Variants in ABCA13 observed in about 807,000 individuals in gnomAD.
ABCA13 encodes ATP-binding cassette sub-family A member 13.
ABCA13 carries 476 observed loss-of-function variants against 478.7 expected under a neutral mutation model. The observed-to-expected ratio is 0.99, with a 90% CI of 0.92 to 1.07. ABCA13 has a LOEUF of 1.07. Among genes scored for constraint, ABCA13 ranks in the 50% least tolerant of loss-of-function variants. The probability of loss-of-function intolerance (pLI) is 0.00; values close to 1 mark genes in which losing one functional copy is unlikely to be tolerated. For missense variants in ABCA13, 6,060 were observed against 5,910.6 expected (o/e 1.03, Z -0.83); for synonymous variants, 2,252 against 2,158.9 (o/e 1.04, Z -1.20).
In ABCA13 at chr7:48,248,259, C is replaced by A. The variant is rs576716319; in HGVS notation, c.1680C>A (p.Val560=). The A allele has an allele frequency of 1.9e-6, 3 of 1,613,492 alleles. No homozygotes were observed. The highest frequency in any genetic ancestry group is 4.5e-5 in the East Asian group (2 of 44,862). ...TTAAGGATCGTATTTTGCAAGAGGTCATTACTTGGCACAAAAATATGTCAG... is the reference window on the plus strand; with the variant it reads ...TTAAGGATCGTATTTTGCAAGAGGTAATTACTTGGCACAAAAATATGTCAG... ...VEDADRILQE[V]ITWHKNMSVL... Residue 560 remains valine, a synonymous_variant, in exon 14 of 62, where the codon GTC becomes GTA. Coordinates refer to ENST00000435803, the MANE Select transcript of ABCA13 (RefSeq NM_152701.5).
intron 31 of ABCA13, among the ~76,000 whole-genome samples, chr7:48,355,404 AGAGGGTGG>A (rs1275587290): frequency 6.6e-6 from 1 of 151,946 alleles, no homozygotes; most frequent in Non-Finnish European, 1.5e-5. Flanking sequence ...CACAAGGGCA[AGAGGGTGG>A]GAGATGAAGT....
intron 55 of ABCA13, among the ~76,000 whole-genome samples, chr7:48,554,182 A>G (rs1377864009): frequency 1.3e-5 from 2 of 151,948 alleles, no homozygotes; most frequent in Non-Finnish European, 2.9e-5. Context: ...GCATTGGCCT[A>G]TGTGCCTGTT....
chr7:48,409,343 T>G (rs568671345), intron 39 of ABCA13, among the ~76,000 whole-genome samples: 3 of 152,210 alleles, frequency 2.0e-5, no homozygotes, highest in Admixed American at 6.5e-5. Context: ...ATCTGAGGCT[T>G]CTTCTTTACA....
intron 47 of ABCA13, among the ~76,000 whole-genome samples, chr7:48,487,026 T>A (rs995989128): frequency 6.6e-6 from 1 of 151,822 alleles, no homozygotes; most frequent in African/African-American, 2.4e-5. Flanking sequence ...GAACAGAAGT[T>A]TTGGCCCGGT....
chr7:48,589,826 A>G (rs796422371), intron 57 of ABCA13, among the ~76,000 whole-genome samples: 15 of 152,316 alleles, frequency 9.8e-5, no homozygotes, highest in African/African-American at 3.6e-4. Flanking sequence ...TGTCATCACA[A>G]GGCAAAAGTC....
intron 2 of ABCA13, among the ~76,000 whole-genome samples, chr7:48,193,677 G>A (rs1797429244): frequency 6.6e-6 from 1 of 151,596 alleles, no homozygotes; most frequent in Admixed American, 6.6e-5. Context: ...TGATGATGGA[G>A]ATGATGATAG....
chr7:48,439,547 T>A (rs1209684327), intron 42 of ABCA13, among the ~76,000 whole-genome samples: 1 of 152,118 alleles, frequency 6.6e-6, no homozygotes. Flanking sequence ...AGTATCCCAA[T>A]TATGATATAT....
At chr7:48,293,986 A>T (rs1055116690) in intron 20 of ABCA13, among the ~76,000 whole-genome samples, 6 of 152,156 alleles carry the variant, frequency 3.9e-5, no homozygotes, top group African/African-American at 1.4e-4. Flanking sequence ...TCCCGGTTTT[A>T]TCCACCTCAC....
chr7:48,610,237 G>T (rs941419645), intron 58 of ABCA13, among the ~76,000 whole-genome samples: 1 of 152,196 alleles, frequency 6.6e-6, no homozygotes, highest in Non-Finnish European at 1.5e-5. Flanking sequence ...AAAGAAAGAG[G>T]CTACAGGCCC....
intron 39 of ABCA13, 30 bp downstream of exon 39, chr7:48,403,909 T>C (rs1817934893): frequency 8.8e-6 from 14 of 1,595,880 alleles, no homozygotes; most frequent in Non-Finnish European, 1.2e-5. Flanking sequence ...CTGCCTTCTC[T>C]TCCCACAATA....
intron 20 of ABCA13, among the ~76,000 whole-genome samples, chr7:48,294,236 C>T (rs1799007207): frequency 6.6e-6 from 1 of 151,988 alleles, no homozygotes; most frequent in African/African-American, 2.4e-5. Flanking sequence ...GTTAACAGTA[C>T]CTAAAATCTA....
At chr7:48,427,275 T>C (rs765216165) in intron 41 of ABCA13, among the ~76,000 whole-genome samples, 1 of 152,240 alleles carries the variant, frequency 6.6e-6, no homozygotes, top group Non-Finnish European at 1.5e-5. Context: ...GCAAGTTATT[T>C]GATTAACTAC....
Position 48,528,363 on chromosome 7 carries a change from T to C in ABCA13, c.14354+18T>C. ...CCCATGGGGTAAGATACAGATTTCA[T>C]CATTTTTGTTGCTTAAAGAGATAAT... On this transcript the variant is annotated intron_variant, in intron 55 of 61. Coordinates refer to ENST00000435803, the MANE Select transcript of ABCA13 (RefSeq NM_152701.5). 6.7e-7 allele frequency: 1 copy of C among 1,498,290 alleles called. No homozygotes were observed. The highest frequency in any genetic ancestry group is 9.0e-7 in the Non-Finnish European group (1 of 1,113,788). 92.8% of individuals were successfully genotyped at this position (1,498,290 alleles called of 1,614,324 possible). A position where few individuals can be genotyped will look rare whatever the true frequency, so the allele number is the denominator to read the frequency against.
intron 48 of ABCA13, among the ~76,000 whole-genome samples, chr7:48,503,932 A>C (rs1217259310): frequency 1.3e-5 from 2 of 152,212 alleles, no homozygotes; most frequent in Non-Finnish European, 2.9e-5. Flanking sequence ...AAAAATTGTG[A>C]TAATCATTTT....
At chr7:48,455,714 C>T (rs1362116842) in intron 43 of ABCA13, among the ~76,000 whole-genome samples, 4 of 152,252 alleles carry the variant, frequency 2.6e-5, no homozygotes, top group Admixed American at 2.6e-4. Context: ...ACAACAGCCC[C>T]ACAGTTGCAC....
At chr7:48,310,237 G>A (rs1801569756) in intron 24 of ABCA13, 96 bp downstream of exon 24, 26 of 1,346,536 alleles carry the variant, frequency 1.9e-5, no homozygotes, top group Non-Finnish European at 2.4e-5. Flanking sequence ...GGCAGTGGGA[G>A]ATCAGCACCT....
rs192665237 is a variant in ABCA13, at chr7:48,291,739, C to G, written c.8955+3661C>G. Among the ~76,000 whole-genome samples, 395 of 152,260 alleles carry G rather than the reference C, an allele frequency of 2.6e-3. 1 individual carries two copies. The highest frequency in any genetic ancestry group is 3.7e-3 in the Non-Finnish European group (252 of 68,016). On this transcript the variant is annotated intron_variant, in intron 20 of 61. Coordinates refer to ENST00000435803, the MANE Select transcript of ABCA13 (RefSeq NM_152701.5). ...ACTCACAACTTTGTTACGTAAAAGT[C>G]GAACCAGATTGGCCTGGTGCGGCTA... is the stretch of plus-strand genomic sequence containing the variant.
chr7:48,408,340 G>A (rs1368306394), intron 39 of ABCA13, among the ~76,000 whole-genome samples: 2 of 144,812 alleles, frequency 1.4e-5, no homozygotes, highest in Non-Finnish European at 3.1e-5. Flanking sequence ...AGACTTCATT[G>A]TATGGGAATG....
chr7:48,239,427 T>C lies in ABCA13; in HGVS notation c.1062+22T>C, dbSNP rs765536978. 5.6e-6 allele frequency: 9 copies of C among 1,598,722 alleles called. No homozygotes were observed. The South Asian group carries it at 1.0e-4, about 18-fold the overall frequency. ...ACAGGTGCTGTCCCCTCTCTCTATG[T>C]TCTGTTCAAAGGTGTGCCAGTTTGA... On this transcript the variant is annotated intron_variant, in intron 9 of 61. Transcript: ENST00000435803.
Sources: allele counts gnomAD v4.1 joint callset (sites outside exome capture counted in the v4.1 genomes callset), GRCh38; gene constraint gnomAD v4.1.1; transcripts MANE v1.5; gene names NCBI Gene and HGNC (gene_info 2026-07-23, HGNC 2026-07-21).